XKR4: variants seen among roughly 807,000 people sequenced by gnomAD.
The protein encoded by XKR4 is XK related 4.
In XKR4, 12 loss-of-function variants were observed where a neutral mutation model predicts 53.9. The observed-to-expected ratio is 0.22, with a 90% CI of 0.14 to 0.36. The LOEUF (loss-of-function observed/expected upper bound fraction) is 0.36. Ranked by LOEUF, XKR4 falls within the 10% of genes least tolerant of loss-of-function variation. XKR4 has a pLI of 1.00. For synonymous variants in XKR4, 354 were observed against 362.4 expected (o/e 0.98, Z 0.26); for missense variants, 799 against 859.5 (o/e 0.93, Z 0.88).
chr8:55,480,015 A>T (rs1459723001), intron 2 of XKR4, among the ~76,000 whole-genome samples: 11 of 140,036 alleles, frequency 7.9e-5, no homozygotes, highest in African/African-American at 3.4e-4. Flanking sequence ...TATTCCAATC[A>T]ATAGAAAAAG....
intron 2 of XKR4, among the ~76,000 whole-genome samples, chr8:55,490,702 TG>T (rs1360716034): frequency 6.6e-6 from 1 of 152,218 alleles, no homozygotes; most frequent in Non-Finnish European, 1.5e-5. Context: ...GTACGTGACA[TG>T]TTTTTTTTAA....
intron 1 of XKR4, among the ~76,000 whole-genome samples, chr8:55,158,677 A>G (rs1251009819): frequency 6.6e-6 from 1 of 152,214 alleles, no homozygotes; most frequent in Non-Finnish European, 1.5e-5. Context: ...ATTTTTGTAT[A>G]TGGTACAAGG....
At chr8:55,174,339 G>A (rs1407260553) in intron 1 of XKR4, among the ~76,000 whole-genome samples, 1 of 152,090 alleles carries the variant, frequency 6.6e-6, no homozygotes, top group Non-Finnish European at 1.5e-5. Flanking sequence ...TGTTTAAATG[G>A]ACCTTGACTC....
intron 2 of XKR4, chr8:55,453,679 C>T (rs1805497918): frequency 1.2e-5 from 5 of 408,462 alleles, no homozygotes; most frequent in Non-Finnish European, 2.4e-5. Flanking sequence ...AGGGCCGGGG[C>T]GCCCATCTCA....
intron 1 of XKR4, among the ~76,000 whole-genome samples, chr8:55,333,147 T>C (rs1039699697): frequency 1.3e-5 from 2 of 152,176 alleles, no homozygotes; most frequent in African/African-American, 2.4e-5. Flanking sequence ...TAGTTCTTTG[T>C]CCATGTTCTC....
chr8:55,124,590 A>G (rs977333791), intron 1 of XKR4, among the ~76,000 whole-genome samples: 1 of 152,238 alleles, frequency 6.6e-6, no homozygotes, highest in African/African-American at 2.4e-5. Flanking sequence ...CTGTAACATC[A>G]GAGTAAGCGT....
rs1202471616 is a variant in XKR4, at chr8:55,535,243, T to G, written c.*11016T>G. On this transcript the variant is annotated 3_prime_UTR_variant, in exon 3 of 3. Coordinates refer to ENST00000327381, the MANE Select transcript of XKR4 (RefSeq NM_052898.2). ...TTTTTTTTTAATTTTATTATTATTA[T>G]ACTTTAAGTTTTAGGGTACATGTGC... is the stretch of plus-strand genomic sequence containing the variant. 1 of 151,864 alleles carries G rather than the reference T, an allele frequency of 6.6e-6. No homozygotes were observed. The highest frequency in any genetic ancestry group is 6.6e-5 in the Admixed American group (1 of 15,222). The allele number at this position is 151,864 out of a possible 1,614,324, so 9.4% of individuals were successfully genotyped here.
rs1806918127 is a variant in XKR4, at chr8:55,529,299, G to C, written c.*5072G>C. ...CAAATGTAAAGCTTTTGTCAACCTT[G>C]AGGCCTATATTCTGCTAAACAAGAG... On this transcript the variant is annotated 3_prime_UTR_variant, in exon 3 of 3. Transcript: ENST00000327381. 1.3e-5 allele frequency: 2 copies of C among 151,986 alleles called. No homozygotes were observed. The highest frequency in any genetic ancestry group is 2.4e-5 in the African/African-American group (1 of 41,366). 9.4% of individuals were successfully genotyped at this position (151,986 alleles called of 1,614,324 possible). A position where few individuals can be genotyped will look rare whatever the true frequency, so the allele number is the denominator to read the frequency against.
At chr8:55,371,949 T>C (rs1031468841) in intron 2 of XKR4, among the ~76,000 whole-genome samples, 2 of 152,226 alleles carry the variant, frequency 1.3e-5, no homozygotes, top group South Asian at 2.1e-4. Flanking sequence ...TTATCTCCAA[T>C]AATCAAGCAC....
chr8:55,205,327 T>G (rs1817631018), intron 1 of XKR4, among the ~76,000 whole-genome samples: 1 of 152,200 alleles, frequency 6.6e-6, no homozygotes, highest in Non-Finnish European at 1.5e-5. Flanking sequence ...ATTTGACATG[T>G]ATTTGTTGTC....
At chr8:55,382,004 T>C (rs1425955441) in intron 2 of XKR4, among the ~76,000 whole-genome samples, 1 of 152,256 alleles carries the variant, frequency 6.6e-6, no homozygotes. Flanking sequence ...AGTTATGTTG[T>C]GTTTCTATTC....
At position 55,470,620 on chromosome 8, in the gene XKR4, A is replaced by G. The variant is rs562172007; in HGVS notation, c.1007-52661A>G. Among the ~76,000 whole-genome samples, 12 of 152,228 alleles carry G rather than the reference A, an allele frequency of 7.9e-5. 1 individual carries two copies. The South Asian group carries it at 2.5e-3, about 32-fold the overall frequency. On this transcript the variant is annotated intron_variant, in intron 2 of 2. Coordinates refer to ENST00000327381, the MANE Select transcript of XKR4 (RefSeq NM_052898.2). ...GTGTGAAAACAGACTAATACACAAGATATATCAAAATCAAATTTTTTAAAG... is the reference window on the plus strand; with the variant it reads ...GTGTGAAAACAGACTAATACACAAGGTATATCAAAATCAAATTTTTTAAAG...
chr8:55,221,502 G>C (rs570834278), intron 1 of XKR4, among the ~76,000 whole-genome samples: 1 of 152,284 alleles, frequency 6.6e-6, no homozygotes, highest in East Asian at 1.9e-4. Flanking sequence ...TTTGCACCCT[G>C]ATGTTTCTGA....
At chr8:55,282,775 G>A (rs1237517965) in intron 1 of XKR4, among the ~76,000 whole-genome samples, 4 of 152,152 alleles carry the variant, frequency 2.6e-5, no homozygotes, top group Non-Finnish European at 5.9e-5. Flanking sequence ...TGCTCTGCCA[G>A]TTATACAAAA....
intron 1 of XKR4, among the ~76,000 whole-genome samples, chr8:55,338,835 G>A (rs920177019): frequency 1.3e-5 from 2 of 152,178 alleles, no homozygotes; most frequent in Non-Finnish European, 2.9e-5. Context: ...AAATGCTCAA[G>A]AAAAATCATA....
chr8:55,390,577 A>G (rs1001188361), intron 2 of XKR4, among the ~76,000 whole-genome samples: 4 of 152,202 alleles, frequency 2.6e-5, no homozygotes, highest in Admixed American at 6.5e-5. Flanking sequence ...GCCTAAGTTT[A>G]GACTGTGGGC....
chr8:55,123,634 C>G (rs1054898173), intron 1 of XKR4, among the ~76,000 whole-genome samples: 2 of 152,174 alleles, frequency 1.3e-5, no homozygotes, highest in Non-Finnish European at 2.9e-5. Flanking sequence ...TCAGGACAGG[C>G]CTGGCCCTTA....
intron 2 of XKR4, among the ~76,000 whole-genome samples, chr8:55,475,895 C>A (rs1247745723): frequency 6.6e-6 from 1 of 151,992 alleles, no homozygotes; most frequent in Admixed American, 6.6e-5. Flanking sequence ...GCCACCACAC[C>A]CAGCCTCACA....
intron 2 of XKR4, among the ~76,000 whole-genome samples, chr8:55,397,603 A>G (rs1804540425): frequency 7.4e-5 from 11 of 149,150 alleles, no homozygotes; most frequent in Admixed American, 7.3e-4. Context: ...TTTTTCTAGG[A>G]ACTACTTCCT....
Sources: allele counts gnomAD v4.1 joint callset (sites outside exome capture counted in the v4.1 genomes callset), GRCh38; gene constraint gnomAD v4.1.1; transcripts MANE v1.5; gene names NCBI Gene and HGNC (gene_info 2026-07-23, HGNC 2026-07-21).